The following TIMD4 variants were observed in gnomAD, a reference collection of about 807,000 sequenced individuals.
TIMD4 encodes T cell immunoglobulin and mucin domain containing 4, also known as T-cell immunoglobulin and mucin domain-containing protein 4.
A neutral mutation model predicts 41.2 loss-of-function variants in TIMD4; 31 were observed. The ratio of observed to expected loss-of-function variants is 0.75; its 90% CI spans 0.57 to 1.01. TIMD4 has a LOEUF of 1.01. TIMD4 is among the 50% of genes least tolerant of loss of function. The pLI is 0.00. For missense variants in TIMD4, 479 were observed against 472.5 expected (o/e 1.01, Z -0.13); for synonymous variants, 204 against 177.1 (o/e 1.15, Z -1.21).
At chr5:156,922,521 C>T (rs1387742658) in intron 6 of TIMD4, among the ~76,000 whole-genome samples, 1 of 152,224 alleles carries the variant, frequency 6.6e-6, no homozygotes, top group Non-Finnish European at 1.5e-5. Context: ...TGAGCTCTCC[C>T]TAGCCCTGTG....
At chr5:156,952,024 T>TCC (rs1759871209) in intron 2 of TIMD4, among the ~76,000 whole-genome samples, 1 of 152,126 alleles carries the variant, frequency 6.6e-6, no homozygotes, top group African/African-American at 2.4e-5. Context: ...GTGCAGTGGT[T>TCC]CACACCTGTA....
chr5:156,927,689 T>A (rs929654484), intron 5 of TIMD4, among the ~76,000 whole-genome samples: 1 of 152,076 alleles, frequency 6.6e-6, no homozygotes, highest in East Asian at 1.9e-4. Context: ...CAACAGGATA[T>A]GGACATTGAA....
chr5:156,942,790 T>G (rs1157396136), intron 5 of TIMD4, among the ~76,000 whole-genome samples: 1 of 152,226 alleles, frequency 6.6e-6, no homozygotes, highest in African/African-American at 2.4e-5. Flanking sequence ...AGCTGTAACT[T>G]GATTCTCAAG....
intron 4 of TIMD4, among the ~76,000 whole-genome samples, chr5:156,949,418 C>CCCT (rs150412627): frequency 0.013 from 1,838 of 146,186 alleles, 22 homozygotes; most frequent in East Asian, 0.051. Context: ...TTCCCTACCT[C>CCCT]CCTCCTCCTC....
At chr5:156,953,764 C>T (rs1759909734) in intron 2 of TIMD4, among the ~76,000 whole-genome samples, 1 of 151,536 alleles carries the variant, frequency 6.6e-6, no homozygotes, top group African/African-American at 2.4e-5. Flanking sequence ...CTCCAGGTGA[C>T]ACTGATGCAG....
At chr5:156,946,962 C>T (rs1428192650) in intron 5 of TIMD4, among the ~76,000 whole-genome samples, 5 of 151,870 alleles carry the variant, frequency 3.3e-5, no homozygotes, top group Non-Finnish European at 5.9e-5. Flanking sequence ...CTTTGGGAGG[C>T]CGAGGCAGGT....
At chr5:156,948,532 CT>C in intron 4 of TIMD4, 33 bp from the exon 5 acceptor site, 1 of 1,458,970 alleles carries the variant, frequency 6.9e-7, no homozygotes, top group South Asian at 1.4e-5. Flanking sequence ...AGAAAACAGA[CT>C]TAGGTAAATG....
At chr5:156,944,277 T>G (rs1379266635) in intron 5 of TIMD4, among the ~76,000 whole-genome samples, 1 of 152,138 alleles carries the variant, frequency 6.6e-6, no homozygotes, top group Non-Finnish European at 1.5e-5. Context: ...TGGGGTTTTG[T>G]AGAATATTTA....
chr5:156,935,213 C>G (rs768979605), intron 5 of TIMD4, among the ~76,000 whole-genome samples: 4 of 151,324 alleles, frequency 2.6e-5, no homozygotes, highest in Non-Finnish European at 5.9e-5. Flanking sequence ...AAGAGGGAAG[C>G]TGAAATCTAG....
chr5:156,961,175 A>G (rs1422931891), intron 1 of TIMD4, among the ~76,000 whole-genome samples: 1 of 152,242 alleles, frequency 6.6e-6, no homozygotes, highest in African/African-American at 2.4e-5. Context: ...CCAAACCACA[A>G]TGAGGTATCA....
chr5:156,959,314 C>G (rs1760036458), intron 1 of TIMD4, among the ~76,000 whole-genome samples: 1 of 152,104 alleles, frequency 6.6e-6, no homozygotes, highest in South Asian at 2.1e-4. Flanking sequence ...TAATCCTGAC[C>G]TCATTATCAT....
intron 1 of TIMD4, among the ~76,000 whole-genome samples, chr5:156,959,399 G>A (rs796461487): frequency 6.6e-5 from 10 of 152,216 alleles, no homozygotes; most frequent in African/African-American, 2.2e-4. Flanking sequence ...CAAATGCCAC[G>A]TGAAATTAAC....
At chr5:156,920,352 C>A in intron 8 of TIMD4, 112 bp downstream of exon 8, 1 of 1,196,608 alleles carries the variant, frequency 8.4e-7, no homozygotes, top group East Asian at 2.4e-5. Context: ...ATCTTTCCAA[C>A]TCTATGTGTA....
intron 5 of TIMD4, among the ~76,000 whole-genome samples, chr5:156,943,878 C>T (rs369141619): frequency 9.6e-4 from 144 of 150,290 alleles, no homozygotes; most frequent in African/African-American, 3.3e-3. Flanking sequence ...GGTGAAACCC[C>T]GTCTCTACTA....
intron 6 of TIMD4, among the ~76,000 whole-genome samples, chr5:156,922,508 C>T (rs1016938843): frequency 9.2e-5 from 14 of 152,202 alleles, no homozygotes; most frequent in African/African-American, 3.4e-4. Flanking sequence ...TGCTCAAATC[C>T]TTTGAGCTCT....
intron 1 of TIMD4, among the ~76,000 whole-genome samples, chr5:156,956,944 T>C (rs1370316078): frequency 6.6e-6 from 1 of 152,082 alleles, no homozygotes; most frequent in Non-Finnish European, 1.5e-5. Context: ...ATCCAGGCAT[T>C]CCTCTCTCTA....
chr5:156,946,783 C>A (rs892366608), intron 5 of TIMD4, among the ~76,000 whole-genome samples: 1 of 151,950 alleles, frequency 6.6e-6, no homozygotes, highest in Non-Finnish European at 1.5e-5. Flanking sequence ...CCGCGCCTGG[C>A]CTCTTCTGAA....
intron 1 of TIMD4, among the ~76,000 whole-genome samples, chr5:156,958,335 A>C (rs1218252686): frequency 6.0e-5 from 5 of 83,558 alleles, no homozygotes; most frequent in South Asian, 5.8e-4. Flanking sequence ...AAAGGAAAGG[A>C]AAGGAAAGGA....
At chr5:156,921,954 G>A in intron 7 of TIMD4, 145 bp downstream of exon 7, 2 of 617,134 alleles carry the variant, frequency 3.2e-6, no homozygotes, top group South Asian at 2.3e-5. Context: ...GAACTTACCT[G>A]TTACTTCCCT....
Sources: allele counts gnomAD v4.1 joint callset (sites outside exome capture counted in the v4.1 genomes callset), GRCh38; gene constraint gnomAD v4.1.1; transcripts MANE v1.5; gene names NCBI Gene and HGNC (gene_info 2026-07-23, HGNC 2026-07-21).